The following EDNRB variants were observed in gnomAD, a reference collection of about 807,000 sequenced individuals.
The protein encoded by EDNRB is endothelin receptor type B.
In EDNRB, 18 loss-of-function variants were observed where a neutral mutation model predicts 46.4. That is an observed-to-expected ratio of 0.39 (90% CI 0.27 to 0.57). The LOEUF is 0.57. Ranked by LOEUF, EDNRB falls within the 20% of genes least tolerant of loss-of-function variation. The pLI is 0.61. For synonymous variants in EDNRB, 213 were observed against 204.9 expected, an observed-to-expected ratio of 1.04 and a Z score of -0.34; for missense variants, 434 against 537.5, an observed-to-expected ratio of 0.81 and a Z score of 1.90.
intron 1 of EDNRB, among the ~76,000 whole-genome samples, chr13:77,950,224 C>A (rs1881052100): frequency 6.6e-6 from 1 of 152,182 alleles, no homozygotes; most frequent in African/African-American, 2.4e-5. Context: ...TTATATACAG[C>A]CAAATCAGAC....
intron 1 of EDNRB, among the ~76,000 whole-genome samples, chr13:77,929,437 C>G (rs1880325570): frequency 6.6e-6 from 1 of 152,258 alleles, no homozygotes; most frequent in Non-Finnish European, 1.5e-5. Flanking sequence ...TAACGTATGT[C>G]CTCTTTAGGT....
At chr13:77,906,674 C>G (rs1879297113) in intron 1 of EDNRB, among the ~76,000 whole-genome samples, 1 of 152,016 alleles carries the variant, frequency 6.6e-6, no homozygotes, top group East Asian at 1.9e-4. Context: ...GATCCTCCAG[C>G]TTTAGACAAA....
chr13:77,944,220 C>G (rs1269224265), intron 1 of EDNRB, among the ~76,000 whole-genome samples: 2 of 152,054 alleles, frequency 1.3e-5, no homozygotes, highest in Non-Finnish European at 2.9e-5. Context: ...TCAGTGTAAG[C>G]AATAATGCTC....
At chr13:77,943,389 T>C (rs961618167) in intron 1 of EDNRB, among the ~76,000 whole-genome samples, 3 of 152,128 alleles carry the variant, frequency 2.0e-5, no homozygotes, top group African/African-American at 7.2e-5. Context: ...ATGCATTTCA[T>C]CTCTCTCTTT....
chr13:77,957,129 A>T (rs1028553249), intron 1 of EDNRB, among the ~76,000 whole-genome samples: 12 of 152,350 alleles, frequency 7.9e-5, no homozygotes, highest in Admixed American at 7.2e-4. Flanking sequence ...ACAATAAATT[A>T]TGTCACTGCA....
At chr13:77,940,171 G>C (rs1014590204) in intron 1 of EDNRB, among the ~76,000 whole-genome samples, 2 of 152,092 alleles carry the variant, frequency 1.3e-5, no homozygotes, top group Non-Finnish European at 2.9e-5. Flanking sequence ...CTGTATTCCA[G>C]GTGCTATTCT....
At chr13:77,935,086 TA>T (rs1243332499) in intron 1 of EDNRB, among the ~76,000 whole-genome samples, 1 of 151,658 alleles carries the variant, frequency 6.6e-6, no homozygotes, top group Non-Finnish European at 1.5e-5. Flanking sequence ...GAGCAGAAAG[TA>T]TATGTGTCAG....
At chr13:77,972,840 C>T (rs1308848539) in intron 1 of EDNRB, among the ~76,000 whole-genome samples, 3 of 152,242 alleles carry the variant, frequency 2.0e-5, no homozygotes, top group Non-Finnish European at 4.4e-5. Context: ...AGGGTTTTCC[C>T]CTGGGACTAT....
intron 6 of EDNRB, 93 bp downstream of exon 6, chr13:77,899,766 A>T (rs1407540213): frequency 2.8e-5 from 26 of 932,210 alleles, no homozygotes; most frequent in Non-Finnish European, 4.3e-5. Context: ...AAGATAATTT[A>T]CTAAATCTGT....
At chr13:77,954,727 G>A (rs751520170) in intron 1 of EDNRB, among the ~76,000 whole-genome samples, 2 of 151,896 alleles carry the variant, frequency 1.3e-5, no homozygotes, top group African/African-American at 4.8e-5. Flanking sequence ...GGCTGGCCTC[G>A]AACTCCTGAC....
rs200272603 is a variant in EDNRB, at chr13:77,903,217, T to C, written c.740A>G (p.Tyr247Cys). ...GCAGATTCGCAGATAACTTCCTTTG[T>C]AGTCCATCGTAATTATATCAAAACC... is the stretch of plus-strand genomic sequence containing the variant. The part of the protein sequence containing the change: ...AIGFDIITMD[Y>C]KGSYLRICLL... The change falls in exon 3 of 7, where the codon TAC (tyrosine) becomes TGC (cysteine). Residue 247 changes from tyrosine (Y) to cysteine (C), a missense_variant. By Grantham distance (194) the Tyr-to-Cys change is radical. Coordinates refer to ENST00000646607, the MANE Select transcript of EDNRB (RefSeq NM_001122659.3). 1.2e-5 allele frequency: 19 copies of C among 1,612,948 alleles called. No homozygotes were observed.
At chr13:77,945,901 A>AAAAAAAAAAAAAAAAC (rs1391892820) in intron 1 of EDNRB, among the ~76,000 whole-genome samples, 6 of 150,708 alleles carry the variant, frequency 4.0e-5, no homozygotes, top group South Asian at 2.1e-4. Context: ...AAACAAAAAA[A>AAAAAAAAAAAAAAAAC]ACACACAATC....
chr13:77,919,629 T>TC, upstream of EDNRB: 1 of 1,590,120 alleles, frequency 6.3e-7, no homozygotes, highest in Non-Finnish European at 8.6e-7. Context: ...TCCCTTCCCA[T>TC]CAATCACCGC....
rs1203254524 is a variant in EDNRB at position 77,950,896 on chromosome 13, C to CATG, written c.-52+24448_-52+24450dup. 1.8e-4 allele frequency among the ~76,000 whole-genome samples: 27 copies of CATG among 152,252 alleles called. 1 individual carries two copies. Among genetic ancestry groups the CATG allele is most frequent in the African/African-American group, 6.3e-4 (26 of 41,544 alleles). On this transcript the variant is annotated intron_variant, in intron 1 of 7. Coordinates refer to the EDNRB transcript ENST00000646948. ...TCTTTGGAATTGATGCCACGGTTCC[C>CATG]ATGAAGGAGGCAGGTGATTTTTGAA...
At chr13:77,907,582 C>G (rs983197412) in intron 1 of EDNRB, among the ~76,000 whole-genome samples, 1 of 152,082 alleles carries the variant, frequency 6.6e-6, no homozygotes, top group Middle Eastern at 3.4e-3. Flanking sequence ...AGAACCCTGA[C>G]TAATCCCCCT....
chr13:77,909,616 T>C (rs1386383291), intron 1 of EDNRB, among the ~76,000 whole-genome samples: 1 of 152,036 alleles, frequency 6.6e-6, no homozygotes, highest in East Asian at 1.9e-4. Flanking sequence ...AAATGTACAT[T>C]GAGCTTTAAC....
chr13:77,915,665 G>C (rs1879774373), intron 1 of EDNRB, among the ~76,000 whole-genome samples: 1 of 152,200 alleles, frequency 6.6e-6, no homozygotes, highest in Non-Finnish European at 1.5e-5. Flanking sequence ...CAAGTGCCTA[G>C]TGCATCATTA....
intron 1 of EDNRB, among the ~76,000 whole-genome samples, chr13:77,963,509 A>G (rs1881487598): frequency 1.3e-5 from 2 of 152,216 alleles, no homozygotes; most frequent in South Asian, 4.1e-4. Flanking sequence ...GAGAAAAACA[A>G]GCAATGGGGA....
intron 1 of EDNRB, among the ~76,000 whole-genome samples, chr13:77,946,741 T>C (rs1312311498): frequency 6.6e-6 from 1 of 152,188 alleles, no homozygotes; most frequent in Non-Finnish European, 1.5e-5. Context: ...TCCCCAGAGA[T>C]AGTTGTGGAA....
Sources: gnomAD v4.1 joint callset for allele counts (sites outside exome capture counted in the v4.1 genomes callset) on GRCh38, gnomAD v4.1.1 for gene constraint, MANE v1.5 for transcripts, NCBI Gene and HGNC (gene_info 2026-07-23, HGNC 2026-07-21) for gene names.